Variants in OSBPL3 observed in about 807,000 individuals in gnomAD.
The protein encoded by OSBPL3 is oxysterol-binding protein-related protein 3.
A neutral mutation model predicts 120.1 loss-of-function variants in OSBPL3; 65 were observed. That is an observed-to-expected ratio of 0.54 (90% CI 0.44 to 0.67). The LOEUF is 0.67. Among genes scored for constraint, OSBPL3 ranks in the 30% least tolerant of loss-of-function variants. The probability of loss-of-function intolerance (pLI) is 0.00; values close to 1 mark genes in which losing one functional copy is unlikely to be tolerated. For missense variants in OSBPL3, 1,004 were observed against 1,082.1 expected, an observed-to-expected ratio of 0.93 and a Z score of 1.01; for synonymous variants, 416 against 402.6, an observed-to-expected ratio of 1.03 and a Z score of -0.40.
chr7:24,875,621 G>A lies in OSBPL3; in HGVS notation c.97-3552C>T, dbSNP rs982393331. 1.2e-4 allele frequency among the ~76,000 whole-genome samples: 18 copies of A among 152,186 alleles called. No individual in the cohort carries two copies. The East Asian group carries it at 3.3e-3, about 28-fold the overall frequency. ...AGGATTTTGGGAGGCTGAAGCAGGA[G>A]GAACACTTGAGCCCAGGAGTGTAAG... On this transcript the variant is annotated intron_variant, in intron 2 of 22. Coordinates refer to ENST00000313367, the MANE Select transcript of OSBPL3 (RefSeq NM_015550.4).
In OSBPL3 at chr7:24,863,392, G is replaced by T; in HGVS notation, c.778-100C>A. ...TGACCACCTCCATCCCCTTGACTTT[G>T]GCTGAAGCAACTGACCACAGCATCC... is the stretch of plus-strand genomic sequence containing the variant. On this transcript the variant is annotated intron_variant, in intron 8 of 22. Transcript: ENST00000313367. This position sits in a 1 kb window ranked among gnomAD's most constrained non-coding sequence, Gnocchi z 5.8. The T allele has an allele frequency of 7.2e-7, 1 of 1,384,096 alleles. No homozygotes were observed. The highest frequency in any genetic ancestry group is 1.0e-6 in the Non-Finnish European group (1 of 970,846). 85.7% of individuals were successfully genotyped at this position (1,384,096 alleles called of 1,614,324 possible). A position where few individuals can be genotyped will look rare whatever the true frequency, so the allele number is the denominator to read the frequency against.
chr7:24,934,249 G>A (rs571484770), intron 1 of OSBPL3, among the ~76,000 whole-genome samples: 1 of 152,208 alleles, frequency 6.6e-6, no homozygotes, highest in African/African-American at 2.4e-5. Context: ...AGCCTGCTTT[G>A]CTGGATGTCT....
chr7:24,937,027 T>G lies in OSBPL3; in HGVS notation c.-150+42859A>C, dbSNP rs1286085331. Among the ~76,000 whole-genome samples the G allele has an allele frequency of 6.6e-6, 1 of 152,148 alleles. No individual in the cohort carries two copies. The highest frequency in any genetic ancestry group is 6.5e-5 in the Admixed American group (1 of 15,270). ...TAAAGACATACCCAAGACTGGGTAA[T>G]TTATAAAGGAAAGAGGTTTAATTGA... On this transcript the variant is annotated intron_variant, in intron 1 of 22. Transcript: ENST00000313367. This position sits in a 1 kb window ranked among gnomAD's most constrained non-coding sequence, Gnocchi z 4.0.
Position 24,955,630 on chromosome 7 carries a change from A to C in OSBPL3, c.-150+24256T>G, listed in dbSNP as rs1814953138. ...CCTTTGGCCATTTCTATGTAAAATC[A>C]AACAGCAGCACCCCTGTCCCCTATA... On this transcript the variant is annotated intron_variant, in intron 1 of 22. Transcript: ENST00000313367. The surrounding 1 kb of genome is among the most constrained non-coding windows in gnomAD (Gnocchi z 4.3). 6.6e-6 allele frequency among the ~76,000 whole-genome samples: 1 copy of C among 152,196 alleles called. No homozygotes were observed. The highest frequency in any genetic ancestry group is 6.5e-5 in the Admixed American group (1 of 15,272).
At chr7:24,969,362 T>C (rs951444121) in intron 1 of OSBPL3, among the ~76,000 whole-genome samples, 1 of 152,242 alleles carries the variant, frequency 6.6e-6, no homozygotes, top group Non-Finnish European at 1.5e-5. Flanking sequence ...TGGAGTTCTT[T>C]ATATATTGAT....
intron 20 of OSBPL3, among the ~76,000 whole-genome samples, chr7:24,809,524 T>C (rs1793499614): frequency 6.6e-6 from 1 of 152,172 alleles, no homozygotes; most frequent in Admixed American, 6.5e-5. Context: ...GAGTTATGCA[T>C]GTGGACTGCC....
intron 1 of OSBPL3, among the ~76,000 whole-genome samples, chr7:24,963,780 C>A (rs1405048865): frequency 6.6e-6 from 1 of 152,152 alleles, no homozygotes; most frequent in Non-Finnish European, 1.5e-5. Flanking sequence ...GGAGTGGAAA[C>A]AGATTAGTGT....
In OSBPL3 at chr7:24,917,401, C is replaced by CATACATATATATATATATATATAT. The variant is rs370274395; in HGVS notation, c.-149-24781_-149-24780insATATATATATATATATATATGTAT. Among the ~76,000 whole-genome samples the CATACATATATATATATATATATAT allele has an allele frequency of 3.0e-5, 3 of 100,064 alleles. No individual in the cohort carries two copies. In the East Asian group the frequency reaches 1.0e-3, roughly 34 times the overall value. 65.6% of individuals were successfully genotyped at this position (100,064 alleles called of 152,430 possible). A position where few individuals can be genotyped will look rare whatever the true frequency, so the allele number is the denominator to read the frequency against. ...TTGTAACATATATATATATTTGTAACATATATATATATATATATATATATA... is the reference window on the plus strand; with the variant it reads ...TTGTAACATATATATATATTTGTAACATACATATATATATATATATATATATATATATATATATATATATATATA... On this transcript the variant is annotated intron_variant, in intron 1 of 22. Coordinates refer to ENST00000313367, the MANE Select transcript of OSBPL3 (RefSeq NM_015550.4).
In OSBPL3 at chr7:24,930,189, T is replaced by A. The variant is rs1205287568; in HGVS notation, c.-149-37568A>T. ...TGGCTTTATTCTTCTAATTAACTAA[T>A]GATCAAAGGTGAGGCAGAAATGCAT... On this transcript the variant is annotated intron_variant, in intron 1 of 22. Transcript: ENST00000313367. This position sits in a 1 kb window ranked among gnomAD's most constrained non-coding sequence, Gnocchi z 4.4. Among the ~76,000 whole-genome samples, 1 of 152,140 alleles carries A rather than the reference T, an allele frequency of 6.6e-6. No homozygotes were observed. The highest frequency in any genetic ancestry group is 1.5e-5 in the Non-Finnish European group (1 of 67,998).
rs1816663636 is a variant in OSBPL3 at position 24,968,701 on chromosome 7, C to A, written c.-150+11185G>T. 6.6e-6 allele frequency among the ~76,000 whole-genome samples: 1 copy of A among 152,140 alleles called. No individual in the cohort carries two copies. The highest frequency in any genetic ancestry group is 2.4e-5 in the African/African-American group (1 of 41,452). ...TGTGAGCCACGGCGCCAGCCTCAGC[C>A]CACCAATTTTATCCATGTGTGCATA... On this transcript the variant is annotated intron_variant, in intron 1 of 22. Coordinates refer to ENST00000313367, the MANE Select transcript of OSBPL3 (RefSeq NM_015550.4). The surrounding 1 kb of genome is among the most constrained non-coding windows in gnomAD (Gnocchi z 4.6).
intron 1 of OSBPL3, among the ~76,000 whole-genome samples, chr7:24,917,446 T>TATATATATATTTGTAACATATATATATAC (rs1366145573): frequency 8.2e-6 from 1 of 122,228 alleles, no homozygotes; most frequent in East Asian, 2.5e-4. Context: ...TATATATATA[T>TATATATATATTTGTAACATATATATATAC]ACACACACAT....
At chr7:24,843,824 G>T (rs1798072958) in intron 12 of OSBPL3, among the ~76,000 whole-genome samples, 1 of 152,170 alleles carries the variant, frequency 6.6e-6, no homozygotes, top group Non-Finnish European at 1.5e-5. Context: ...AAAAGAGCCA[G>T]GCATAAAGCT....
At chr7:24,963,188 C>T (rs569908978) in intron 1 of OSBPL3, among the ~76,000 whole-genome samples, 83 of 152,298 alleles carry the variant, frequency 5.4e-4, no homozygotes, top group African/African-American at 1.9e-3. Flanking sequence ...ATGTCAGGAG[C>T]TCACAGGATA....
At chr7:24,841,695 A>AAG (rs1491470791) in intron 13 of OSBPL3, among the ~76,000 whole-genome samples, 7 of 93,834 alleles carry the variant, frequency 7.5e-5, no homozygotes, top group South Asian at 4.0e-4. Context: ...ACTATGTCTC[A>AAG]AAAAAAAAAA....
At chr7:24,807,365 C>T (rs187719732) in intron 20 of OSBPL3, among the ~76,000 whole-genome samples, 92 of 151,978 alleles carry the variant, frequency 6.1e-4, no homozygotes, top group African/African-American at 3.1e-4. Flanking sequence ...TGGTCTCGGG[C>T]GCCTGTAATT....
At chr7:24,911,569 C>G (rs1443898972) in intron 1 of OSBPL3, among the ~76,000 whole-genome samples, 1 of 152,180 alleles carries the variant, frequency 6.6e-6, no homozygotes, top group Non-Finnish European at 1.5e-5. Context: ...CAGATGTACA[C>G]ACTTCAAGTT....
At chr7:24,856,894 C>A (rs184223235) in intron 10 of OSBPL3, among the ~76,000 whole-genome samples, 2 of 152,214 alleles carry the variant, frequency 1.3e-5, no homozygotes, top group African/African-American at 4.8e-5. Context: ...TTTTAAAATT[C>A]TTTTTAACCC....
rs900568824 is a variant in OSBPL3, at chr7:24,808,883, G to T, written c.2317+924C>A. 3.9e-5 allele frequency among the ~76,000 whole-genome samples: 6 copies of T among 152,194 alleles called. No homozygotes were observed. The highest frequency in any genetic ancestry group is 1.3e-4 in the Admixed American group (2 of 15,280). On this transcript the variant is annotated intron_variant, in intron 20 of 22. Coordinates refer to ENST00000313367, the MANE Select transcript of OSBPL3 (RefSeq NM_015550.4). The surrounding 1 kb of genome is among the most constrained non-coding windows in gnomAD (Gnocchi z 4.6). Reference sequence around the variant, plus strand: ...CCTGAGAAAAGAGAGGCACGAGAGAGGAAAGCTCTTTTGTCCTCTCATTAC... The same window carrying T: ...CCTGAGAAAAGAGAGGCACGAGAGATGAAAGCTCTTTTGTCCTCTCATTAC...
rs1806486355 is a variant in OSBPL3 at position 24,898,389 on chromosome 7, TCA to T, written c.-149-5770_-149-5769del. On this transcript the variant is annotated intron_variant, in intron 1 of 22. Transcript: ENST00000313367. This position sits in a 1 kb window ranked among gnomAD's most constrained non-coding sequence, Gnocchi z 4.3. ...GTTTCTGGGAGATGAGTACTAAGGC[TCA>T]GTGTCCACAGAAGTCCCTTCTTTAA... Among the ~76,000 whole-genome samples the T allele has an allele frequency of 1.3e-5, 2 of 152,202 alleles. No homozygotes were observed. The highest frequency in any genetic ancestry group is 2.1e-4 in the South Asian group (1 of 4,836).
Sources: allele counts gnomAD v4.1 joint callset (sites outside exome capture counted in the v4.1 genomes callset), GRCh38; gene constraint gnomAD v4.1.1; non-coding constraint Gnocchi (gnomAD v3.1); transcripts MANE v1.5; gene names NCBI Gene and HGNC (gene_info 2026-07-23, HGNC 2026-07-21).